The following ELMO1 variants were observed in gnomAD, a reference collection of about 807,000 sequenced individuals.
The protein encoded by ELMO1 is engulfment and cell motility 1, also known as engulfment and cell motility protein 1.
A neutral mutation model predicts 98.9 loss-of-function variants in ELMO1; 26 were observed. The ratio of observed to expected loss-of-function variants is 0.26; its 90% CI spans 0.19 to 0.36. The LOEUF (loss-of-function observed/expected upper bound fraction) is 0.36, where lower values mean the gene tolerates loss of function less well. Among genes scored for constraint, ELMO1 ranks in the 10% least tolerant of loss-of-function variants. The probability of loss-of-function intolerance (pLI) is 1.00; values close to 1 mark genes in which losing one functional copy is unlikely to be tolerated. For synonymous variants in ELMO1, 346 were observed against 346.0 expected (o/e 1.00, Z 0.00); for missense variants, 627 against 935.2 (o/e 0.67, Z 4.30).
At chr7:37,092,015 G>A (rs1784121845) in intron 15 of ELMO1, among the ~76,000 whole-genome samples, 1 of 152,136 alleles carries the variant, frequency 6.6e-6, no homozygotes, top group Non-Finnish European at 1.5e-5. Flanking sequence ...TGGGGACACA[G>A]CCAAACCATA....
At chr7:37,080,332 T>G (rs150678496) in intron 15 of ELMO1, among the ~76,000 whole-genome samples, 1 of 152,202 alleles carries the variant, frequency 6.6e-6, no homozygotes, top group Non-Finnish European at 1.5e-5. Context: ...TAATGTCACA[T>G]GTATGCTCAA....
intron 1 of ELMO1, among the ~76,000 whole-genome samples, chr7:37,381,966 T>A (rs966690547): frequency 6.6e-6 from 1 of 152,046 alleles, no homozygotes; most frequent in Non-Finnish European, 1.5e-5. Flanking sequence ...AGAAAAAAAA[T>A]TATATAGTAG....
intron 13 of ELMO1, among the ~76,000 whole-genome samples, chr7:37,189,117 T>C (rs970066895): frequency 6.6e-6 from 1 of 152,214 alleles, no homozygotes; most frequent in Non-Finnish European, 1.5e-5. Flanking sequence ...AAATAAGAAA[T>C]TGTTTAAAAG....
chr7:37,059,813 GCTCCAAATTACCA>G (rs1796575408), intron 15 of ELMO1, among the ~76,000 whole-genome samples: 1 of 152,118 alleles, frequency 6.6e-6, no homozygotes, highest in South Asian at 2.1e-4. Context: ...GATCCCAATG[GCTCCAAATTACCA>G]CTCAGAGCTG....
At chr7:37,040,574 C>T (rs919458961) in intron 15 of ELMO1, among the ~76,000 whole-genome samples, 5 of 152,278 alleles carry the variant, frequency 3.3e-5, no homozygotes, top group South Asian at 2.1e-4. Context: ...CCCCAGTGTA[C>T]GGCTTTGTTT....
intron 16 of ELMO1, among the ~76,000 whole-genome samples, chr7:36,929,782 T>C (rs991850589): frequency 6.6e-6 from 1 of 152,236 alleles, no homozygotes; most frequent in Non-Finnish European, 1.5e-5. Context: ...TTGTACTGGC[T>C]TTCAAATGCA....
At chr7:37,244,637 A>G (rs936300893) in intron 6 of ELMO1, among the ~76,000 whole-genome samples, 2 of 152,236 alleles carry the variant, frequency 1.3e-5, no homozygotes, top group African/African-American at 4.8e-5. Context: ...TTTGCTTATG[A>G]GTAAAGGCAT....
chr7:36,998,916 G>C (rs1235104618), intron 16 of ELMO1, among the ~76,000 whole-genome samples: 4 of 151,760 alleles, frequency 2.6e-5, no homozygotes, highest in African/African-American at 9.7e-5. Context: ...GTGAATAGGG[G>C]GTTGAGAAAA....
At chr7:37,148,246 T>C (rs781141277) in intron 13 of ELMO1, among the ~76,000 whole-genome samples, 2 of 152,226 alleles carry the variant, frequency 1.3e-5, no homozygotes, top group Non-Finnish European at 2.9e-5. Context: ...TTCAAGTAAC[T>C]TCTATTTCAG....
intron 15 of ELMO1, among the ~76,000 whole-genome samples, chr7:37,061,512 G>A (rs111485046): frequency 9.2e-5 from 14 of 152,156 alleles, no homozygotes; most frequent in East Asian, 1.9e-4. Flanking sequence ...ACTCCCACCC[G>A]TCCTTTTTTC....
At chr7:37,074,812 A>G (rs1405594031) in intron 15 of ELMO1, among the ~76,000 whole-genome samples, 1 of 152,216 alleles carries the variant, frequency 6.6e-6, no homozygotes, top group Non-Finnish European at 1.5e-5. Flanking sequence ...GGCAAAATGC[A>G]AGCTGATTTT....
chr7:37,435,512 T>C (rs1376712163), intron 1 of ELMO1, among the ~76,000 whole-genome samples: 3 of 152,268 alleles, frequency 2.0e-5, no homozygotes, highest in Non-Finnish European at 4.4e-5. Flanking sequence ...GCCATTTCTC[T>C]GTGCCTTGCT....
In ELMO1 at chr7:37,307,810, G is replaced by A. The variant is rs12539271; in HGVS notation, c.192+7040C>T. On this transcript the variant is annotated intron_variant, in intron 4 of 21. Coordinates refer to ENST00000310758, the MANE Select transcript of ELMO1 (RefSeq NM_014800.11). The stretch of plus-strand genomic sequence containing the variant: ...CAGCATTTGTTGTCAATCTCTATGC[G>A]AATTTTAAAACAACCATGCAGCTGG... 3.4e-3 allele frequency among the ~76,000 whole-genome samples: 525 copies of A among 152,204 alleles called. 16 individuals are homozygous for A. Among genetic ancestry groups the A allele is most frequent in the Admixed American group, 0.029 (440 of 15,274 alleles).
At chr7:36,956,912 T>C (rs897417165) in intron 16 of ELMO1, among the ~76,000 whole-genome samples, 12 of 152,192 alleles carry the variant, frequency 7.9e-5, no homozygotes, top group African/African-American at 2.9e-4. Flanking sequence ...ACTCTTCTGG[T>C]AGCCTGTTTC....
At position 36,953,256 on chromosome 7, in the gene ELMO1, C is replaced by T. The variant is rs537885188; in HGVS notation, c.1438-58239G>A. 2.6e-5 allele frequency among the ~76,000 whole-genome samples: 4 copies of T among 152,148 alleles called. No individual in the cohort carries two copies. The East Asian group carries it at 7.7e-4, about 29-fold the overall frequency. On this transcript the variant is annotated intron_variant, in intron 16 of 21. Transcript: ENST00000310758. The stretch of plus-strand genomic sequence containing the variant: ...TGCTGGGATTACAGGTATGAGCCAC[C>T]GTGCCTCTCTTGACATACTACTCTT...
chr7:36,980,833 A>C (rs1278174384), intron 16 of ELMO1, among the ~76,000 whole-genome samples: 1 of 152,182 alleles, frequency 6.6e-6, no homozygotes, highest in Admixed American at 6.5e-5. Flanking sequence ...AGATACACAA[A>C]GCAATTCATC....
At chr7:37,233,413 C>T (rs1322700377) in intron 7 of ELMO1, among the ~76,000 whole-genome samples, 2 of 152,160 alleles carry the variant, frequency 1.3e-5, no homozygotes, top group Non-Finnish European at 2.9e-5. Flanking sequence ...TCAACCAGGG[C>T]TTCAGCATCC....
intron 2 of ELMO1, 124 bp from the exon 3 acceptor site, chr7:37,316,084 G>T (rs1799139598): frequency 1.3e-6 from 1 of 768,232 alleles, no homozygotes; most frequent in Admixed American, 2.6e-5. Context: ...ATTCTTAGTT[G>T]TTGTCAATGA....
chr7:37,103,739 G>A (rs548109095), intron 14 of ELMO1, among the ~76,000 whole-genome samples: 38 of 152,114 alleles, frequency 2.5e-4, no homozygotes, highest in African/African-American at 8.7e-4. Context: ...GTTCATGCCT[G>A]TAATCCCAGC....
Sources: allele counts gnomAD v4.1 joint callset (sites outside exome capture counted in the v4.1 genomes callset), GRCh38; gene constraint gnomAD v4.1.1; transcripts MANE v1.5; gene names NCBI Gene and HGNC (gene_info 2026-07-23, HGNC 2026-07-21).